NCOA1: variants seen among roughly 807,000 people sequenced by gnomAD.
The protein encoded by NCOA1 is Hin-2 protein.
NCOA1 carries 35 observed loss-of-function variants against 150.9 expected under a neutral mutation model. The ratio of observed to expected loss-of-function variants is 0.23; its 90% CI spans 0.18 to 0.31. NCOA1 has a LOEUF of 0.31. Among genes scored for constraint, NCOA1 ranks in the 10% least tolerant of loss-of-function variants. The pLI is 1.00. For missense variants in NCOA1, 1,491 were observed against 1,749.3 expected (o/e 0.85, Z 2.63); for synonymous variants, 590 against 630.0 (o/e 0.94, Z 0.95).
chr2:24,521,386 CCCACCCCTT>C (rs1288288847), intron 1 of NCOA1, among the ~76,000 whole-genome samples: 3 of 152,140 alleles, frequency 2.0e-5, no homozygotes, highest in Non-Finnish European at 4.4e-5. Flanking sequence ...TCTCCCCATT[CCCACCCCTT>C]CCTGTCTTCA....
chr2:24,501,312 T>A (rs1663450946), intron 1 of NCOA1, among the ~76,000 whole-genome samples: 1 of 152,144 alleles, frequency 6.6e-6, no homozygotes, highest in South Asian at 2.1e-4. Context: ...CTCATAAAAA[T>A]GAACCGAATA....
chr2:24,687,704 A>G (rs1310423407), intron 8 of NCOA1, among the ~76,000 whole-genome samples: 1 of 152,072 alleles, frequency 6.6e-6, no homozygotes, highest in Non-Finnish European at 1.5e-5. Flanking sequence ...ACTCACCATC[A>G]CGAGAACAGC....
At chr2:24,673,598 A>C in intron 7 of NCOA1, 135 bp downstream of exon 7, 1 of 529,754 alleles carries the variant, frequency 1.9e-6, no homozygotes, top group East Asian at 3.7e-5. Context: ...TTATTTTATT[A>C]TGAGAACTAT....
chr2:24,614,368 C>CCACCA (rs1485225698), intron 3 of NCOA1, among the ~76,000 whole-genome samples: 1 of 151,166 alleles, frequency 6.6e-6, no homozygotes, highest in African/African-American at 2.4e-5. Flanking sequence ...TAGGTATACA[C>CCACCA]CACCACACCT....
intron 19 of NCOA1, among the ~76,000 whole-genome samples, chr2:24,748,982 CT>C (rs1230759359): frequency 3.9e-5 from 6 of 152,138 alleles, no homozygotes; most frequent in African/African-American, 1.4e-4. Flanking sequence ...ACCTTTATAA[CT>C]TTCTCTTCCT....
chr2:24,600,195 GT>G (rs1296820792), intron 3 of NCOA1, among the ~76,000 whole-genome samples: 1 of 152,084 alleles, frequency 6.6e-6, no homozygotes, highest in Admixed American at 6.6e-5. Context: ...TTGCGATTAT[GT>G]TTTTTTGTTG....
chr2:24,735,783 A>T (rs1663268069), intron 17 of NCOA1, among the ~76,000 whole-genome samples: 1 of 152,236 alleles, frequency 6.6e-6, no homozygotes, highest in African/African-American at 2.4e-5. Flanking sequence ...ATACGAAGTT[A>T]CAAGCCTTTA....
At chr2:24,551,120 T>C (rs912548222) in intron 1 of NCOA1, among the ~76,000 whole-genome samples, 2 of 149,206 alleles carry the variant, frequency 1.3e-5, no homozygotes, top group Non-Finnish European at 3.0e-5. Context: ...AAAGCTCTGA[T>C]AGTTTTCATT....
intron 17 of NCOA1, among the ~76,000 whole-genome samples, chr2:24,738,138 G>T (rs1223543594): frequency 6.6e-6 from 1 of 151,986 alleles, no homozygotes; most frequent in African/African-American, 2.4e-5. Context: ...CTGATCTAAT[G>T]GGAGTGAGAA....
At chr2:24,656,622 C>T (rs966876340) in intron 4 of NCOA1, among the ~76,000 whole-genome samples, 1 of 152,176 alleles carries the variant, frequency 6.6e-6, no homozygotes, top group African/African-American at 2.4e-5. Context: ...ATCCTCTCCT[C>T]CTCACATCCT....
At chr2:24,504,354 G>A (rs1663602167) in intron 1 of NCOA1, among the ~76,000 whole-genome samples, 1 of 152,200 alleles carries the variant, frequency 6.6e-6, no homozygotes, top group African/African-American at 2.4e-5. Flanking sequence ...GCCCTAAAGT[G>A]TCCCACATCG....
At chr2:24,576,490 A>AT (rs1666996852) in intron 2 of NCOA1, among the ~76,000 whole-genome samples, 1 of 151,784 alleles carries the variant, frequency 6.6e-6, no homozygotes, top group South Asian at 2.1e-4. Context: ...GACTCACATC[A>AT]TTTTTTCATC....
chr2:24,748,611 G>T (rs143328507), intron 19 of NCOA1, among the ~76,000 whole-genome samples: 1 of 95,614 alleles, frequency 1.0e-5, no homozygotes, highest in Non-Finnish European at 2.2e-5. Flanking sequence ...AGTGAAACTC[G>T]GTCTCAAAAA....
chr2:24,595,165 A>G (rs983824838), intron 3 of NCOA1, among the ~76,000 whole-genome samples: 11 of 152,052 alleles, frequency 7.2e-5, no homozygotes, highest in African/African-American at 1.9e-4. Context: ...CCATGTTTCT[A>G]TTTGATAGTT....
At chr2:24,748,978 A>G (rs761922926) in intron 19 of NCOA1, among the ~76,000 whole-genome samples, 5 of 152,234 alleles carry the variant, frequency 3.3e-5, no homozygotes, top group Admixed American at 6.5e-5. Context: ...CTGCACCTTT[A>G]TAACTTTCTC....
chr2:24,647,223 G>A (rs1052539410), intron 4 of NCOA1, among the ~76,000 whole-genome samples: 1 of 152,070 alleles, frequency 6.6e-6, no homozygotes, highest in Non-Finnish European at 1.5e-5. Flanking sequence ...AAAAGATTGG[G>A]GCTATATTGA....
chr2:24,558,955 G>T (rs1049205132), intron 1 of NCOA1, among the ~76,000 whole-genome samples: 2 of 152,064 alleles, frequency 1.3e-5, no homozygotes, highest in Non-Finnish European at 2.9e-5. Flanking sequence ...GAGCACTTAG[G>T]TTCCACTTGT....
chr2:24,563,766 C>T (rs1037492255), intron 1 of NCOA1, among the ~76,000 whole-genome samples: 3 of 152,170 alleles, frequency 2.0e-5, no homozygotes, highest in Non-Finnish European at 4.4e-5. Context: ...AATCTGCCCA[C>T]CTTGGCCTCC....
At chr2:24,676,833 T>A (rs1286344792) in intron 7 of NCOA1, among the ~76,000 whole-genome samples, 2 of 151,980 alleles carry the variant, frequency 1.3e-5, no homozygotes, top group African/African-American at 2.4e-5. Flanking sequence ...AATTTCATAA[T>A]TGGAAATATT....
Sources: allele counts gnomAD v4.1 joint callset (sites outside exome capture counted in the v4.1 genomes callset), GRCh38; gene constraint gnomAD v4.1.1; transcripts MANE v1.5; gene names NCBI Gene and HGNC (gene_info 2026-07-23, HGNC 2026-07-21).